Variants in PML observed in about 807,000 individuals in gnomAD.
PML encodes protein PML.
In PML, 28 loss-of-function variants were observed where a neutral mutation model predicts 65.2. The ratio of observed to expected loss-of-function variants is 0.43; its 90% CI spans 0.32 to 0.59. The LOEUF (loss-of-function observed/expected upper bound fraction) is 0.59. PML is among the 20% of genes least tolerant of loss of function. The pLI, the probability that PML is intolerant of heterozygous loss-of-function variation, is 0.08. For missense variants in PML, 1,021 were observed against 1,203.4 expected, an observed-to-expected ratio of 0.85 and a Z score of 2.24; for synonymous variants, 500 against 508.8, an observed-to-expected ratio of 0.98 and a Z score of 0.23.
Position 74,043,964 on chromosome 15 carries a change from C to T in PML, c.1862-257C>T, listed in dbSNP as rs143406636. Among the ~76,000 whole-genome samples the T allele has an allele frequency of 5.2e-3, 796 of 152,156 alleles. 2 individuals are homozygous for T. Among genetic ancestry groups the T allele is most frequent in the Middle Eastern group, 0.02 (6 of 294 alleles). On this transcript the variant is annotated intron_variant, in intron 8 of 8. Transcript: ENST00000268058. This position sits in a 1 kb window ranked among gnomAD's most constrained non-coding sequence, Gnocchi z 4.3. ...CATGGGGTTTGGCCAACTCTGGGGC[C>T]GGTAGTGGAGGAGGGGAGAGCTGGA...
chr15:74,033,919 A>T (rs1345466755), intron 6 of PML: 1 of 376,592 alleles, frequency 2.7e-6, no homozygotes, highest in Non-Finnish European at 4.8e-6. Context: ...GCAGGAGTTG[A>T]GGTCAACCCA....
chr15:73,998,561 C>A, intron 2 of PML, 85 bp downstream of exon 2: 2 of 1,221,806 alleles, frequency 1.6e-6, no homozygotes, highest in Non-Finnish European at 2.3e-6. Context: ...AGTCACACAG[C>A]TGAGGACAAG....
rs2071777978 is a variant in PML, at chr15:74,047,042, C to T, written c.*2034C>T. On this transcript the variant is annotated 3_prime_UTR_variant, in exon 9 of 9. Transcript: ENST00000268058. ...TTGGATCATCTCCAAATGGGAGTGC[C>T]ATGTGGCAGGAAAGAAGCACCGATT... 2 of 230,056 alleles carry T rather than the reference C, an allele frequency of 8.7e-6. No homozygotes were observed. Among genetic ancestry groups the T allele is most frequent in the Non-Finnish European group, 1.7e-5 (2 of 116,134 alleles). The allele number at this position is 230,056 out of a possible 1,614,324, so 14.3% of individuals were successfully genotyped here. A position where few individuals can be genotyped will look rare whatever the true frequency, so the allele number is the denominator to read the frequency against.
At chr15:74,000,904 C>G (rs2069731767) in intron 2 of PML, among the ~76,000 whole-genome samples, 1 of 152,144 alleles carries the variant, frequency 6.6e-6, no homozygotes. Context: ...TGCTCTAGAA[C>G]AATTTGAAGA....
intron 4 of PML, chr15:74,026,988 AT>A (rs2071107264): frequency 6.6e-6 from 1 of 152,198 alleles, no homozygotes. Flanking sequence ...TCCAGAATGT[AT>A]GTAATTACAA....
intron 4 of PML, chr15:74,025,252 G>C (rs377191327): frequency 5.0e-6 from 2 of 397,064 alleles, no homozygotes; most frequent in South Asian, 2.3e-5. Flanking sequence ...TGGCATATTA[G>C]TGCCTTCCAG....
At position 74,010,185 on chromosome 15, in the gene PML, A is replaced by ATTTTTTTTTTTTTTTTT. The variant is rs536738558; in HGVS notation, c.602+11721_602+11737dup. On this transcript the variant is annotated intron_variant, in intron 2 of 8. Coordinates refer to ENST00000268058, the MANE Select transcript of PML (RefSeq NM_033238.3). Reference sequence around the variant, plus strand: ...AGACATGCACCACCATGCCCAGCTAATTTTTTTTTTTTTTTTTTTTTTTTT... The same window carrying ATTTTTTTTTTTTTTTTT: ...AGACATGCACCACCATGCCCAGCTAATTTTTTTTTTTTTTTTTTTTTTTTTTTTTTTTTTTTTTTTTT... Among the ~76,000 whole-genome samples the ATTTTTTTTTTTTTTTTT allele has an allele frequency of 4.6e-4, 36 of 77,938 alleles. 1 individual carries two copies. Among genetic ancestry groups the ATTTTTTTTTTTTTTTTT allele is most frequent in the Non-Finnish European group, 6.6e-4 (28 of 42,208 alleles). 51.1% of individuals were successfully genotyped at this position (77,938 alleles called of 152,430 possible).
chr15:74,045,068 C>G lies in PML; in HGVS notation c.*60C>G, dbSNP rs950798071. 4 of 1,431,420 alleles carry G rather than the reference C, an allele frequency of 2.8e-6. No individual in the cohort carries two copies. Among genetic ancestry groups the G allele is most frequent in the African/African-American group, 2.8e-5 (2 of 70,898 alleles). 88.7% of individuals were successfully genotyped at this position (1,431,420 alleles called of 1,614,324 possible). On this transcript the variant is annotated 3_prime_UTR_variant, in exon 9 of 9. Coordinates refer to ENST00000268058, the MANE Select transcript of PML (RefSeq NM_033238.3). ...GCAGAGAGGGATGGGGTCCCTGAGC[C>G]AGGCCCCACCCATCACAGCATTCCC...
At chr15:74,008,509 T>C (rs2141761101) in intron 2 of PML, among the ~76,000 whole-genome samples, 1 of 151,322 alleles carries the variant, frequency 6.6e-6, no homozygotes, top group Middle Eastern at 3.4e-3. Flanking sequence ...GAGGCTGAGG[T>C]GGGCAGATCA....
Position 73,998,154 on chromosome 15 carries a change from C to T in PML, c.280C>T (p.Pro94Ser), listed in dbSNP as rs761487093. Residue 94 changes from proline to serine, a missense_variant, in exon 2 of 9, where the codon CCC (proline) becomes TCC (serine). Transcript: ENST00000268058. Reference sequence around the variant, plus strand: ...CATGCAGTGCCCCATCTGCCAGGCGCCCTGGCCCCTAGGTGCAGACACACC... The same window carrying T: ...CATGCAGTGCCCCATCTGCCAGGCGTCCTGGCCCCTAGGTGCAGACACACC... ...SGMQCPICQA[P>S]WPLGADTPAL... 1 of 1,614,206 alleles carries T rather than the reference C, an allele frequency of 6.2e-7. No homozygotes were observed.
At chr15:74,039,028 G>A (rs1303002257) in intron 7 of PML, among the ~76,000 whole-genome samples, 1 of 152,212 alleles carries the variant, frequency 6.6e-6, no homozygotes, top group Non-Finnish European at 1.5e-5. Context: ...GATCCAAAGT[G>A]GAAAAGATAG....
At chr15:74,036,120 G>T in intron 7 of PML, 1 of 1,612,266 alleles carries the variant, frequency 6.2e-7, no homozygotes. Flanking sequence ...TGGGCAGGGA[G>T]ACCTGGGTCT....
chr15:74,045,082 C>G lies in PML; in HGVS notation c.*74C>G. On this transcript the variant is annotated 3_prime_UTR_variant, in exon 9 of 9. Transcript: ENST00000268058. ...GGTCCCTGAGCCAGGCCCCACCCAT[C>G]ACAGCATTCCCAGGTCCTGGTACCC... 7.5e-7 allele frequency: 1 copy of G among 1,335,976 alleles called. No homozygotes were observed. Among genetic ancestry groups the G allele is most frequent in the South Asian group, 1.4e-5 (1 of 72,298 alleles). 82.8% of individuals were successfully genotyped at this position (1,335,976 alleles called of 1,614,324 possible). A position where few individuals can be genotyped will look rare whatever the true frequency, so the allele number is the denominator to read the frequency against.
intron 7 of PML, chr15:74,036,867 C>T (rs759636325): frequency 9.9e-6 from 9 of 906,344 alleles, no homozygotes; most frequent in Non-Finnish European, 1.2e-5. Flanking sequence ...TCACCGAGCA[C>T]TGTCGGTCCC....
At chr15:74,016,289 A>AAATG (rs2070569771) in intron 2 of PML, among the ~76,000 whole-genome samples, 1 of 151,910 alleles carries the variant, frequency 6.6e-6, no homozygotes, top group Non-Finnish European at 1.5e-5. Flanking sequence ...ATAAATAAAT[A>AAATG]AATAAAAATA....
chr15:73,999,885 A>G (rs2069680157), intron 2 of PML, among the ~76,000 whole-genome samples: 1 of 141,686 alleles, frequency 7.1e-6, no homozygotes, highest in Non-Finnish European at 1.5e-5. Context: ...CCCAGGCTGG[A>G]GTGCAGTGGC....
intron 2 of PML, among the ~76,000 whole-genome samples, chr15:74,021,443 G>A (rs556515265): frequency 1.4e-4 from 21 of 152,078 alleles, no homozygotes; most frequent in Admixed American, 3.9e-4. Context: ...AAAATTAGCC[G>A]GGGTGGTGGC....
chr15:74,017,373 G>A (rs1272278195), intron 2 of PML, among the ~76,000 whole-genome samples: 16 of 152,250 alleles, frequency 1.1e-4, no homozygotes, highest in African/African-American at 2.6e-4. Flanking sequence ...CTGGCTGGGC[G>A]CAGTGGCTCA....
intron 2 of PML, 68 bp downstream of exon 2, chr15:73,998,544 T>A: frequency 3.7e-6 from 5 of 1,353,772 alleles, no homozygotes; most frequent in Non-Finnish European, 5.2e-6. Context: ...GGAGCAAAGA[T>A]CCAAAGAGTC....
Sources: allele counts gnomAD v4.1 joint callset (sites outside exome capture counted in the v4.1 genomes callset), GRCh38; gene constraint gnomAD v4.1.1; non-coding constraint Gnocchi (gnomAD v3.1); transcripts MANE v1.5; gene names NCBI Gene and HGNC (gene_info 2026-07-23, HGNC 2026-07-21).